PIEZO1: variants seen among roughly 807,000 people sequenced by gnomAD.
The protein encoded by PIEZO1 is piezo type mechanosensitive ion channel component 1 (Er blood group).
In PIEZO1, 296 loss-of-function variants were observed where a neutral mutation model predicts 297.2. That is an observed-to-expected ratio of 1.00 (90% CI 0.91 to 1.10). The LOEUF (loss-of-function observed/expected upper bound fraction) is 1.10. Among genes scored for constraint, PIEZO1 ranks in the 50% least tolerant of loss-of-function variants. The pLI, the probability that PIEZO1 is intolerant of heterozygous loss-of-function variation, is 0.00. For synonymous variants in PIEZO1, 2,427 were observed against 1,507.5 expected (o/e 1.61, Z -14.13); for missense variants, 5,018 against 3,455.5 (o/e 1.45, Z -11.34).
At position 88,726,708 on chromosome 16, in the gene PIEZO1, G is replaced by A. The variant is rs988130578; in HGVS notation, c.3699+7C>T. The stretch of plus-strand genomic sequence containing the variant: ...GGGCGGTGGGTGCGGGGGGGCCGGA[G>A]GCTCACCGACAGCATGTTCTTGGAG... On this transcript the variant is annotated splice_region_variant and intron_variant, in intron 25 of 50. Transcript: ENST00000301015. The A allele has an allele frequency of 1.9e-6, 3 of 1,549,372 alleles. No individual in the cohort carries two copies. The highest frequency in any genetic ancestry group is 2.4e-5 in the South Asian group (2 of 84,024).
chr16:88,725,040 C>G lies in PIEZO1; in HGVS notation c.4203G>C (p.Gln1401His), dbSNP rs764535713. Reference sequence around the variant, plus strand: ...CGTGGTCCAGCCAGGGCCGCCACCACTGCCTCCGTGGCGGGGAGGAGCCCC... The same window carrying G: ...CGTGGTCCAGCCAGGGCCGCCACCAGTGCCTCCGTGGCGGGGAGGAGCCCC... ...SPGGSSPPRR[Q>H]WWRPWLDHAT... The change falls in exon 30 of 51, where the codon CAG becomes CAC. Residue 1401 changes from glutamine to histidine, a missense_variant. By Grantham distance (24) the Gln-to-His change is conservative (BLOSUM62 0). Coordinates refer to ENST00000301015, the MANE Select transcript of PIEZO1 (RefSeq NM_001142864.4). The G allele has an allele frequency of 6.7e-7, 1 of 1,500,250 alleles. No individual in the cohort carries two copies. Among genetic ancestry groups the G allele is most frequent in the Non-Finnish European group, 8.9e-7 (1 of 1,127,070 alleles). The allele number at this position is 1,500,250 out of a possible 1,614,324, so 92.9% of individuals were successfully genotyped here. A position where few individuals can be genotyped will look rare whatever the true frequency, so the allele number is the denominator to read the frequency against.
Position 88,721,740 on chromosome 16 carries a change from G to C in PIEZO1, c.5215-14C>G. 1 of 1,536,458 alleles carries C rather than the reference G, an allele frequency of 6.5e-7. No homozygotes were observed. The highest frequency in any genetic ancestry group is 8.8e-7 in the Non-Finnish European group (1 of 1,140,300). On this transcript the variant is annotated splice_polypyrimidine_tract_variant and intron_variant, in intron 37 of 50. Coordinates refer to ENST00000301015, the MANE Select transcript of PIEZO1 (RefSeq NM_001142864.4). The stretch of plus-strand genomic sequence containing the variant: ...GACCACCGCGATCTGTGGGGGAGGG[G>C]GCTCAGCACGCGGGGAGGGTCACGG...
At chr16:88,737,488 C>T in intron 10 of PIEZO1, 71 bp downstream of exon 10, 1 of 1,100,136 alleles carries the variant, frequency 9.1e-7, no homozygotes, top group Non-Finnish European at 1.3e-6. Context: ...GCCAGGCGGC[C>T]ACCAGGGGGC....
chr16:88,774,284 A>C (rs1309211432), intron 1 of PIEZO1, among the ~76,000 whole-genome samples: 1 of 152,226 alleles, frequency 6.6e-6, no homozygotes, highest in Non-Finnish European at 1.5e-5. Context: ...CCAGCTACTC[A>C]GGAGGCTGAG....
rs570624912 is a variant in PIEZO1, at chr16:88,717,831, C to G, written c.6472-620G>C. On this transcript the variant is annotated intron_variant, in intron 44 of 50. Coordinates refer to ENST00000301015, the MANE Select transcript of PIEZO1 (RefSeq NM_001142864.4). ...TATCTGCAGAAAAACAGAAAAAACT[C>G]TAATAAAAAACAACCCAACTGCTGG... The G allele has an allele frequency of 7.2e-4, 320 of 441,838 alleles. 1 individual carries two copies. The highest frequency in any genetic ancestry group is 6.1e-3 in the African/African-American group (300 of 49,300). 27.4% of individuals were successfully genotyped at this position (441,838 alleles called of 1,614,324 possible).
intron 30 of PIEZO1, among the ~76,000 whole-genome samples, chr16:88,724,382 T>A (rs1214894686): frequency 6.6e-6 from 1 of 151,678 alleles, no homozygotes; most frequent in South Asian, 2.1e-4. Flanking sequence ...AATACGAAAA[T>A]TAGCTGGGCG....
At chr16:88,756,449 T>C (rs1330627587) in intron 1 of PIEZO1, among the ~76,000 whole-genome samples, 1 of 152,006 alleles carries the variant, frequency 6.6e-6, no homozygotes, top group Admixed American at 6.6e-5. Flanking sequence ...CCCACCTGAG[T>C]GCTGTACAAA....
chr16:88,715,822 ACCAG>A lies in PIEZO1; in HGVS notation c.7345_7348del (p.Leu2449SerfsTer64). On this transcript the variant is annotated frameshift_variant, in exon 51 of 51. Coordinates refer to ENST00000301015, the MANE Select transcript of PIEZO1 (RefSeq NM_001142864.4). LOFTEE classifies it high-confidence loss of function. ...GAATCCGCGCACGAACTTGCCGATGACCAGCACGATGGACACGTACAGCCCCATG... is the reference window on the plus strand; with the variant it reads ...GAATCCGCGCACGAACTTGCCGATGACACGATGGACACGTACAGCCCCATG... 1 of 1,550,280 alleles carries A rather than the reference ACCAG, an allele frequency of 6.5e-7. No homozygotes were observed. Among genetic ancestry groups the A allele is most frequent in the Non-Finnish European group, 8.7e-7 (1 of 1,146,950 alleles).
Position 88,738,980 on chromosome 16 carries a change from C to T in PIEZO1, c.466-244G>A, listed in dbSNP as rs889255307. On this transcript the variant is annotated intron_variant, in intron 5 of 50. Transcript: ENST00000301015. ...TCCTGGTAGCAGCTCCCACCCTGGC[C>T]GAAGACCCAGGGTCTGTCCTGCCAA... 10 of 571,476 alleles carry T rather than the reference C, an allele frequency of 1.7e-5. No individual in the cohort carries two copies. The Admixed American group carries it at 2.2e-4, about 12-fold the overall frequency. The allele number at this position is 571,476 out of a possible 1,614,324, so 35.4% of individuals were successfully genotyped here. A position where few individuals can be genotyped will look rare whatever the true frequency, so the allele number is the denominator to read the frequency against.
chr16:88,721,841 C>A lies in PIEZO1; in HGVS notation c.5181G>T (p.Lys1727Asn), dbSNP rs756723126. ...WAMLSIPRPS[K>N]RFWMTAIVFT... ...AGACGATGGCCGTCATCCAGAAGCG[C>A]TTGCTGGGCCTCGGGATCGACAGCA... The change falls in exon 37 of 51, where the codon AAG becomes AAT. Residue 1727 changes from lysine (K) to asparagine (N), a missense_variant. Lys to Asn is a moderately conservative substitution (Grantham distance 94). Transcript: ENST00000301015. 1 of 1,548,904 alleles carries A rather than the reference C, an allele frequency of 6.5e-7. No individual in the cohort carries two copies. The highest frequency in any genetic ancestry group is 1.4e-5 in the African/African-American group (1 of 73,044).
At position 88,738,429 on chromosome 16, in the gene PIEZO1, G is replaced by T; in HGVS notation, c.646C>A (p.Pro216Thr). The stretch of plus-strand genomic sequence containing the variant: ...AGGTAGACACTGGAGAGGGCCGAGG[G>T]GTGGGCGATGCCTGCGGGGCAGGGG... Reference protein sequence around the residue: ...TLLALAGIAHPSALSSVYLLL... With the variant: ...TLLALAGIAHTSALSSVYLLL... The change falls in exon 7 of 51, where the codon CCC becomes ACC. Residue 216 changes from proline to threonine, a missense_variant. Physicochemically the swap from Pro to Thr is conservative, Grantham distance 38. Transcript: ENST00000301015. The T allele has an allele frequency of 6.5e-7, 1 of 1,535,764 alleles. No homozygotes were observed. The highest frequency in any genetic ancestry group is 1.7e-4 in the Middle Eastern group (1 of 5,962).
rs368073019 is a variant in PIEZO1 at position 88,736,412 on chromosome 16, C to T, written c.1297-4G>A. The T allele has an allele frequency of 4.7e-5, 72 of 1,537,704 alleles. No individual in the cohort carries two copies. In the African/African-American group the frequency reaches 5.5e-4, roughly 12 times the overall value. ...TGTGGTAGGTGATGCTCCATACCTGCGCGGCAGAGAGGGCTGCACAGCTGC... is the reference window on the plus strand; with the variant it reads ...TGTGGTAGGTGATGCTCCATACCTGTGCGGCAGAGAGGGCTGCACAGCTGC... On this transcript the variant is annotated splice_region_variant and splice_polypyrimidine_tract_variant and intron_variant, in intron 11 of 50. Coordinates refer to ENST00000301015, the MANE Select transcript of PIEZO1 (RefSeq NM_001142864.4).
At chr16:88,760,933 G>A (rs1906905456) in intron 1 of PIEZO1, among the ~76,000 whole-genome samples, 1 of 152,210 alleles carries the variant, frequency 6.6e-6, no homozygotes, top group Admixed American at 6.5e-5. Flanking sequence ...CCTACACGGG[G>A]CAGGGTCCTG....
At chr16:88,757,020 G>T (rs1028975073) in intron 1 of PIEZO1, among the ~76,000 whole-genome samples, 1 of 152,102 alleles carries the variant, frequency 6.6e-6, no homozygotes, top group Non-Finnish European at 1.5e-5. Flanking sequence ...AGCTTGCAGT[G>T]AGCCGAGATC....
rs552279557 is a variant in PIEZO1 at position 88,722,466 on chromosome 16, G to C, written c.4776-69C>G. ...TGACCCCAGGCTACAGGGAGGGTCA[G>C]GGTGGAAAGTGCCCACGGTCCTTTG... is the stretch of plus-strand genomic sequence containing the variant. On this transcript the variant is annotated intron_variant, in intron 35 of 50. Transcript: ENST00000301015. The C allele has an allele frequency of 1.4e-5, 20 of 1,450,764 alleles. No homozygotes were observed. In the South Asian group the frequency reaches 2.4e-4, roughly 17 times the overall value. The allele number at this position is 1,450,764 out of a possible 1,614,324, so 89.9% of individuals were successfully genotyped here. A position where few individuals can be genotyped will look rare whatever the true frequency, so the allele number is the denominator to read the frequency against.
In PIEZO1 at chr16:88,739,060, C is replaced by T. The variant is rs1250178070; in HGVS notation, c.466-324G>A. 1.9e-5 allele frequency: 7 copies of T among 363,624 alleles called. No individual in the cohort carries two copies. The East Asian group carries it at 3.1e-4, about 16-fold the overall frequency. 22.5% of individuals were successfully genotyped at this position (363,624 alleles called of 1,614,324 possible). Reference sequence around the variant, plus strand: ...CAGACAGACCACAGACTGTCCTATACCACCTCATCTCCCCGAACCACGCAC... The same window carrying T: ...CAGACAGACCACAGACTGTCCTATATCACCTCATCTCCCCGAACCACGCAC... On this transcript the variant is annotated intron_variant, in intron 5 of 50. Coordinates refer to ENST00000301015, the MANE Select transcript of PIEZO1 (RefSeq NM_001142864.4).
In PIEZO1 at chr16:88,715,843, A is replaced by G. The variant is rs758337708; in HGVS notation, c.7328T>C (p.Leu2443Pro). The change falls in exon 51 of 51, where the codon CTG becomes CCG. Residue 2443 changes from leucine (L) to proline (P), a missense_variant. Transcript: ENST00000301015. ...GATGACCAGCACGATGGACACGTACAGCCCCATGATGCTGCGGGGGAAGCT... is the reference window on the plus strand; with the variant it reads ...GATGACCAGCACGATGGACACGTACGGCCCCATGATGCTGCGGGGGAAGCT... ...GFLAGYGIMG[L>P]YVSIVLVIGK... 6.5e-7 allele frequency: 1 copy of G among 1,550,046 alleles called. No homozygotes were observed. The highest frequency in any genetic ancestry group is 8.7e-7 in the Non-Finnish European group (1 of 1,146,786).
Position 88,722,010 on chromosome 16 carries a change from C to A in PIEZO1, c.5012G>T (p.Arg1671Leu), listed in dbSNP as rs987971305. 6.5e-7 allele frequency: 1 copy of A among 1,548,680 alleles called. No homozygotes were observed. The highest frequency in any genetic ancestry group is 8.7e-7 in the Non-Finnish European group (1 of 1,146,610). ...CACGGCCCGCAGCAGCCGCAGCGCC[C>A]GGCCCTGCCCCTCCGCAAACAGCTC... ...EAELFAEGQG[R>L]ALRLLRAVYQ... is the part of the protein sequence containing the mutation. Residue 1671 changes from arginine to leucine, a missense_variant, in exon 37 of 51, where the codon CGG (arginine) becomes CTG (leucine). Transcript: ENST00000301015.
At position 88,737,638 on chromosome 16, in the gene PIEZO1, C is replaced by A. The variant is rs1268053267; in HGVS notation, c.1116G>T (p.Val372=). 1.4e-5 allele frequency: 22 copies of A among 1,534,744 alleles called. No homozygotes were observed. The highest frequency in any genetic ancestry group is 1.9e-5 in the Non-Finnish European group (22 of 1,146,416). The change falls in exon 10 of 51, where the codon GTG becomes GTT. Residue 372 remains valine (V), a synonymous_variant. Coordinates refer to ENST00000301015, the MANE Select transcript of PIEZO1 (RefSeq NM_001142864.4). Reference sequence around the variant, plus strand: ...CAGCCTCGGTGTCGGGTGCTGTGGGCACCACGTGCTGTGGGCAAGCAGCGC... The same window carrying A: ...CAGCCTCGGTGTCGGGTGCTGTGGGAACCACGTGCTGTGGGCAAGCAGCGC... ...PQERESDQHV[V]PTAPDTEADN...
Sources: allele counts gnomAD v4.1 joint callset (sites outside exome capture counted in the v4.1 genomes callset), GRCh38; gene constraint gnomAD v4.1.1; transcripts MANE v1.5; gene names NCBI Gene and HGNC (gene_info 2026-07-23, HGNC 2026-07-21).